SHPRH: variants seen among roughly 807,000 people sequenced by gnomAD.
SHPRH encodes E3 ubiquitin-protein ligase SHPRH.
A neutral mutation model predicts 202.5 loss-of-function variants in SHPRH; 106 were observed. That is an observed-to-expected ratio of 0.52 (90% CI 0.45 to 0.62). SHPRH has a LOEUF of 0.62. SHPRH is among the 20% of genes least tolerant of loss of function. The pLI, the probability that SHPRH is intolerant of heterozygous loss-of-function variation, is 0.00. For missense variants in SHPRH, 1,710 were observed against 2,020.0 expected, an observed-to-expected ratio of 0.85 and a Z score of 2.94; for synonymous variants, 729 against 686.0, an observed-to-expected ratio of 1.06 and a Z score of -0.98.
intron 2 of SHPRH, among the ~76,000 whole-genome samples, chr6:145,874,517 C>T (rs2128694088): frequency 6.6e-6 from 1 of 152,032 alleles, no homozygotes; most frequent in Non-Finnish European, 1.5e-5. Context: ...AAAAATTGTA[C>T]ATATTTAAGG....
chr6:145,954,675 C>CA lies in SHPRH; in HGVS notation c.633+14dup. 1 of 1,547,370 alleles carries CA rather than the reference C, an allele frequency of 6.5e-7. No individual in the cohort carries two copies. The highest frequency in any genetic ancestry group is 8.7e-7 in the Non-Finnish European group (1 of 1,153,538). On this transcript the variant is annotated intron_variant, in intron 2 of 29. Coordinates refer to ENST00000275233, the MANE Select transcript of SHPRH (RefSeq NM_001042683.3). ...TAGAAGAGCCTCAAAAAAGACACCA[C>CA]AAAAAACTGAGTACCTTGATAATGT...
intron 17 of SHPRH, 59 bp downstream of exon 17, chr6:145,924,680 A>G: frequency 1.3e-6 from 2 of 1,525,864 alleles, no homozygotes; most frequent in Non-Finnish European, 9.0e-7. Context: ...CCAAAAAACC[A>G]AAACTCAAAA....
At chr6:145,913,426 T>A in intron 24 of SHPRH, 52 bp downstream of exon 24, 1 of 1,506,076 alleles carries the variant, frequency 6.6e-7, no homozygotes, top group Admixed American at 1.8e-5. Context: ...TAGAAACCTT[T>A]GAAAACTGTA....
Position 145,943,764 on chromosome 6 carries a change from T to C in SHPRH, c.1617A>G (p.Arg539=). 6.3e-7 allele frequency: 1 copy of C among 1,591,148 alleles called. No homozygotes were observed. Among genetic ancestry groups the C allele is most frequent in the South Asian group, 1.2e-5 (1 of 85,816 alleles). The change falls in exon 9 of 30, where the codon AGA becomes AGG. Residue 539 remains arginine, a synonymous_variant. Coordinates refer to ENST00000275233, the MANE Select transcript of SHPRH (RefSeq NM_001042683.3). ...AATCTGTGTCCTTGTTCCCTGATTTTCTAGTTTCTTTCTGAATTTTCCTTG... is the reference window on the plus strand; with the variant it reads ...AATCTGTGTCCTTGTTCCCTGATTTCCTAGTTTCTTTCTGAATTTTCCTTG... The part of the protein sequence containing the change: ...GSPRKIQKET[R]KSGNKDTDSE...
chr6:145,889,981 CT>C (rs1781441154), intron 28 of SHPRH, among the ~76,000 whole-genome samples: 1 of 152,226 alleles, frequency 6.6e-6, no homozygotes, highest in Non-Finnish European at 1.5e-5. Flanking sequence ...CCCATATCCT[CT>C]TGCCTACTCA....
intron 28 of SHPRH, among the ~76,000 whole-genome samples, chr6:145,891,972 G>A (rs1426336730): frequency 2.0e-5 from 3 of 152,156 alleles, no homozygotes; most frequent in Non-Finnish European, 2.9e-5. Flanking sequence ...TTGGTGGTAT[G>A]TTAGAACAAG....
In SHPRH at chr6:145,947,477, T is replaced by TA. The variant is rs767534512; in HGVS notation, c.1212+15dup. On this transcript the variant is annotated intron_variant, in intron 6 of 29. Coordinates refer to ENST00000275233, the MANE Select transcript of SHPRH (RefSeq NM_001042683.3). The stretch of plus-strand genomic sequence containing the variant: ...ATATGTCCCCTGCTTTTGCAAGCCC[T>TA]ACTATACCCTCCTACCTCGGGAAGA... The TA allele has an allele frequency of 3.7e-6, 6 of 1,611,540 alleles. No homozygotes were observed. The South Asian group carries it at 6.6e-5, about 18-fold the overall frequency.
chr6:145,879,973 C>T (rs891716537), downstream of SHPRH, among the ~76,000 whole-genome samples: 1 of 150,842 alleles, frequency 6.6e-6, no homozygotes, highest in Admixed American at 6.6e-5. Flanking sequence ...CTTCCCCCCA[C>T]CATCTTGATA....
At chr6:145,931,758 TATA>T (rs1305831637) in intron 14 of SHPRH, among the ~76,000 whole-genome samples, 1 of 152,204 alleles carries the variant, frequency 6.6e-6, no homozygotes, top group Non-Finnish European at 1.5e-5. Context: ...TCTACCTTCA[TATA>T]ATATTATACC....
At chr6:145,938,638 AG>A (rs1298317832) in intron 11 of SHPRH, among the ~76,000 whole-genome samples, 3 of 152,224 alleles carry the variant, frequency 2.0e-5, no homozygotes, top group African/African-American at 7.2e-5. Context: ...AATATTTGTT[AG>A]GTACTGTGCT....
At chr6:145,929,836 C>A (rs1186290261) in intron 14 of SHPRH, among the ~76,000 whole-genome samples, 2 of 151,986 alleles carry the variant, frequency 1.3e-5, no homozygotes, top group African/African-American at 4.8e-5. Context: ...ACAGAATTTA[C>A]ATTGTGAGCA....
chr6:145,925,377 CAATAAA>C (rs1323069784), intron 16 of SHPRH, among the ~76,000 whole-genome samples: 10 of 147,756 alleles, frequency 6.8e-5, no homozygotes, highest in African/African-American at 1.3e-4. Flanking sequence ...CACATGCATG[CAATAAA>C]AATAAAGAGG....
intron 24 of SHPRH, among the ~76,000 whole-genome samples, chr6:145,912,909 GT>G (rs1197942108): frequency 6.6e-6 from 1 of 151,962 alleles, no homozygotes; most frequent in Admixed American, 6.6e-5. Context: ...ATAAATTGCA[GT>G]TCTCCTAGAG....
chr6:145,924,695 A>C, intron 17 of SHPRH, 44 bp downstream of exon 17: 9 of 1,561,224 alleles, frequency 5.8e-6, no homozygotes, highest in Non-Finnish European at 7.9e-6. Context: ...TCAAAATGAT[A>C]TCTGGAGGCA....
chr6:145,946,240 T>A lies in SHPRH; in HGVS notation c.1314A>T (p.Gln438His), dbSNP rs201477770. Residue 438 changes from glutamine (Q) to histidine (H), a missense_variant, in exon 7 of 30, where the codon CAA (glutamine) becomes CAT (histidine). By Grantham distance (24) the Gln-to-His change is conservative. This residue lies in a region of SHPRH where 348 missense variants were observed against 356.9 expected (regional missense o/e 0.97). Coordinates refer to ENST00000275233, the MANE Select transcript of SHPRH (RefSeq NM_001042683.3). ...AAGAGATGTCTTACTTACGAGGGCA[T>A]TGAACTTTTTCTTTTGGTTCAAATT... ...NIEFEPKEKV[Q>H]CPPTRVMILT... is the part of the protein sequence containing the mutation. The A allele has an allele frequency of 1.9e-6, 3 of 1,607,868 alleles. No individual in the cohort carries two copies. The highest frequency in any genetic ancestry group is 2.2e-5 in the South Asian group (2 of 90,512).
intron 21 of SHPRH, 66 bp from the exon 22 acceptor site, chr6:145,919,557 G>C (rs1045714641): frequency 3.2e-6 from 5 of 1,559,570 alleles, no homozygotes; most frequent in Non-Finnish European, 4.3e-6. Context: ...AAACCACCAA[G>C]ATGTGCCTTA....
intron 28 of SHPRH, 89 bp from the exon 29 acceptor site, chr6:145,888,189 A>G: frequency 1.1e-6 from 1 of 922,358 alleles, no homozygotes; most frequent in South Asian, 1.6e-5. Flanking sequence ...TATATTCATC[A>G]GTCAGTTGGT....
chr6:145,939,867 G>C (rs1032092242), intron 11 of SHPRH, among the ~76,000 whole-genome samples: 3 of 152,022 alleles, frequency 2.0e-5, no homozygotes, highest in African/African-American at 4.8e-5. Flanking sequence ...TTTTGTTTTA[G>C]CAGAGTGAGT....
At chr6:145,879,241 A>G (rs1321737820) in intron 2 of SHPRH, among the ~76,000 whole-genome samples, 1 of 152,158 alleles carries the variant, frequency 6.6e-6, no homozygotes. Flanking sequence ...CTTGTACTGA[A>G]GTCATTAAAT....
Sources: allele counts gnomAD v4.1 joint callset (sites outside exome capture counted in the v4.1 genomes callset), GRCh38; gene constraint gnomAD v4.1.1; regional missense constraint gnomAD v4.1.1; transcripts MANE v1.5; gene names NCBI Gene and HGNC (gene_info 2026-07-23, HGNC 2026-07-21).